PHYKPL: variants seen among roughly 807,000 people sequenced by gnomAD.
The protein encoded by PHYKPL is 5-phosphohydroxy-L-lysine phospho-lyase.
In PHYKPL, 42 loss-of-function variants were observed where a neutral mutation model predicts 51.3. That is an observed-to-expected ratio of 0.82 (90% CI 0.64 to 1.06). PHYKPL has a LOEUF of 1.06. PHYKPL is among the 50% of genes least tolerant of loss of function. The pLI is 0.00. For synonymous variants in PHYKPL, 264 were observed against 236.0 expected (o/e 1.12, Z -1.09); for missense variants, 655 against 586.6 (o/e 1.12, Z -1.20).
In PHYKPL at chr5:178,232,583, A is replaced by G. The variant is rs1215279116; in HGVS notation, c.-33T>C. 1.6e-6 allele frequency: 2 copies of G among 1,239,776 alleles called. No homozygotes were observed. The highest frequency in any genetic ancestry group is 2.0e-6 in the Non-Finnish European group (2 of 992,206). 76.8% of individuals were successfully genotyped at this position (1,239,776 alleles called of 1,614,324 possible). On this transcript the variant is annotated 5_prime_UTR_variant, in exon 1 of 13. Coordinates refer to ENST00000308158, the MANE Select transcript of PHYKPL (RefSeq NM_153373.4). ...GGCCGTCAGTCGGTGCCGTGACGCCACGCGGAGACGTCGCCGCGCGGGCTG... is the reference window on the plus strand; with the variant it reads ...GGCCGTCAGTCGGTGCCGTGACGCCGCGCGGAGACGTCGCCGCGCGGGCTG...
intron 8 of PHYKPL, among the ~76,000 whole-genome samples, chr5:178,218,620 T>C (rs982082301): frequency 2.6e-5 from 4 of 152,236 alleles, no homozygotes; most frequent in Non-Finnish European, 5.9e-5. Flanking sequence ...GCCCTGATCT[T>C]AGATTTGCAG....
intron 3 of PHYKPL, among the ~76,000 whole-genome samples, chr5:178,228,776 A>T (rs1762791396): frequency 1.3e-5 from 2 of 152,188 alleles, no homozygotes; most frequent in Non-Finnish European, 2.9e-5. Flanking sequence ...TCCTAGTGTG[A>T]GCTACCATGA....
intron 3 of PHYKPL, 135 bp from the exon 4 acceptor site, chr5:178,225,564 T>A: frequency 1.2e-6 from 1 of 803,196 alleles, no homozygotes; most frequent in Non-Finnish European, 2.1e-6. Flanking sequence ...TGCTTGTTTG[T>A]TTGGTATATA....
chr5:178,230,158 T>G (rs1489024120), intron 2 of PHYKPL, 59 bp from the exon 3 acceptor site: 2 of 1,598,612 alleles, frequency 1.3e-6, no homozygotes, highest in African/African-American at 2.7e-5. Context: ...CCACTGGGCC[T>G]CCCCCAGCCC....
At chr5:178,216,877 A>C (rs1045508283) in intron 8 of PHYKPL, 1 of 152,198 alleles carries the variant, frequency 6.6e-6, no homozygotes, top group Non-Finnish European at 1.5e-5. Context: ...CTCTACAAAA[A>C]ATAAAAATAG....
chr5:178,220,451 C>T (rs369108948), intron 8 of PHYKPL, among the ~76,000 whole-genome samples: 17 of 151,750 alleles, frequency 1.1e-4, no homozygotes, highest in African/African-American at 3.1e-4. Flanking sequence ...GCCGAGATCG[C>T]GCCACAGCAC....
At chr5:178,217,139 TAGATA>T (rs1759965036) in intron 8 of PHYKPL, 1 of 151,686 alleles carries the variant, frequency 6.6e-6, no homozygotes, top group African/African-American at 2.4e-5. Flanking sequence ...AGTCTAATGA[TAGATA>T]AATTATTAAA....
chr5:178,211,863 C>G, intron 12 of PHYKPL, 27 bp downstream of exon 12: 1 of 1,544,950 alleles, frequency 6.5e-7, no homozygotes. Flanking sequence ...TGTGCATCTT[C>G]AAGAGTAAGA....
chr5:178,211,597 C>G (rs1243464204), intron 12 of PHYKPL: 2 of 320,848 alleles, frequency 6.2e-6, no homozygotes, highest in Non-Finnish European at 1.2e-5. Flanking sequence ...GAGCCCAACT[C>G]CAGGTCTGGT....
chr5:178,210,422 G>T, intron 12 of PHYKPL: 1 of 1,529,384 alleles, frequency 6.5e-7, no homozygotes, highest in Admixed American at 1.9e-5. Flanking sequence ...TAGACTTCGG[G>T]GTCTTAATAA....
chr5:178,225,332 G>T, intron 4 of PHYKPL, 23 bp downstream of exon 4: 1 of 1,613,858 alleles, frequency 6.2e-7, no homozygotes, highest in Non-Finnish European at 8.5e-7. Flanking sequence ...TCTGGGAACG[G>T]TAGGGCTGTG....
In PHYKPL at chr5:178,209,434, T is replaced by A. The variant is rs1554103347; in HGVS notation, c.*32-519A>T. 1.9e-6 allele frequency: 3 copies of A among 1,613,516 alleles called. No individual in the cohort carries two copies. The highest frequency in any genetic ancestry group is 2.5e-6 in the Non-Finnish European group (3 of 1,179,756). On this transcript the variant is annotated intron_variant, in intron 12 of 12. Transcript: ENST00000308158. ...GAGGGAACCGAGGCAGCGGAGGTGG[T>A]GGTGGAGGTGGAGGTGAGTGGAACG...
chr5:178,218,112 G>A (rs1222728483), intron 8 of PHYKPL, among the ~76,000 whole-genome samples: 2 of 120,482 alleles, frequency 1.7e-5, no homozygotes, highest in Non-Finnish European at 3.3e-5. Context: ...AGCTACTCGG[G>A]AGGCTGAGGC....
chr5:178,232,568 C>A lies in PHYKPL; in HGVS notation c.-18G>T, dbSNP rs893884022. On this transcript the variant is annotated 5_prime_UTR_variant, in exon 1 of 13. Coordinates refer to ENST00000308158, the MANE Select transcript of PHYKPL (RefSeq NM_153373.4). ...GCGGCCATGGTGGGTGGCCGTCAGTCGGTGCCGTGACGCCACGCGGAGACG... is the reference window on the plus strand; with the variant it reads ...GCGGCCATGGTGGGTGGCCGTCAGTAGGTGCCGTGACGCCACGCGGAGACG... 3.2e-6 allele frequency: 4 copies of A among 1,265,616 alleles called. No individual in the cohort carries two copies. Among genetic ancestry groups the A allele is most frequent in the Non-Finnish European group, 4.0e-6 (4 of 1,008,162 alleles). 78.4% of individuals were successfully genotyped at this position (1,265,616 alleles called of 1,614,324 possible).
chr5:178,211,670 C>T, intron 12 of PHYKPL: 1 of 516,504 alleles, frequency 1.9e-6, no homozygotes, highest in Non-Finnish European at 3.5e-6. Context: ...CACGTGGATA[C>T]AGCCCCATAG....
rs368346079 is a variant in PHYKPL, at chr5:178,231,542, A to G, written c.60-19T>C. ...GGAAGAGCTGTGGGGACAGGCAAGG[A>G]GTGGACAGCCATGTCTGAAGACCGA... is the stretch of plus-strand genomic sequence containing the variant. On this transcript the variant is annotated intron_variant, in intron 1 of 12. Transcript: ENST00000308158. The G allele has an allele frequency of 1.9e-6, 3 of 1,614,080 alleles. No individual in the cohort carries two copies. The highest frequency in any genetic ancestry group is 2.5e-6 in the Non-Finnish European group (3 of 1,179,974).
intron 9 of PHYKPL, among the ~76,000 whole-genome samples, 191 bp from the exon 10 acceptor site, chr5:178,215,076 T>A (rs1301664905): frequency 1.3e-5 from 2 of 152,132 alleles, no homozygotes; most frequent in South Asian, 2.1e-4. Flanking sequence ...GGAGAGAGGC[T>A]CAGGGGTAGC....
intron 11 of PHYKPL, 64 bp downstream of exon 11, chr5:178,212,909 G>C: frequency 6.3e-7 from 1 of 1,594,084 alleles, no homozygotes; most frequent in Non-Finnish European, 8.6e-7. Context: ...CATGCTAGGA[G>C]GCTCTAGTTG....
rs199857222 is a variant in PHYKPL, at chr5:178,229,914, C to A, written c.338+26G>T. 19 of 1,609,172 alleles carry A rather than the reference C, an allele frequency of 1.2e-5. No homozygotes were observed. The East Asian group carries it at 1.8e-4, about 15-fold the overall frequency. On this transcript the variant is annotated intron_variant, in intron 3 of 12. Transcript: ENST00000308158. Reference sequence around the variant, plus strand: ...TCTTTGTTACCGTCTCACCCTCTTCCCGGGGGCTGGCCACAGTCCACTTAC... The same window carrying A: ...TCTTTGTTACCGTCTCACCCTCTTCACGGGGGCTGGCCACAGTCCACTTAC...
Sources: gnomAD v4.1 joint callset for allele counts (sites outside exome capture counted in the v4.1 genomes callset) on GRCh38, gnomAD v4.1.1 for gene constraint, MANE v1.5 for transcripts, NCBI Gene and HGNC (gene_info 2026-07-23, HGNC 2026-07-21) for gene names.